TMEM178B: variants seen among roughly 807,000 people sequenced by gnomAD.
TMEM178B encodes the protein transmembrane protein 178B.
TMEM178B carries 5 observed loss-of-function variants against 31.0 expected under a neutral mutation model. The ratio of observed to expected loss-of-function variants is 0.16; its 90% CI spans 0.08 to 0.34. TMEM178B has a LOEUF of 0.34. Among genes scored for constraint, TMEM178B ranks in the 10% least tolerant of loss-of-function variants. TMEM178B has a pLI of 1.00. For missense variants in TMEM178B, 275 were observed against 400.3 expected (o/e 0.69, Z 2.67); for synonymous variants, 164 against 164.0 (o/e 1.00, Z 0.00).
chr7:141,160,151 A>G (rs1318467494), intron 1 of TMEM178B, among the ~76,000 whole-genome samples: 1 of 151,948 alleles, frequency 6.6e-6, no homozygotes, highest in Non-Finnish European at 1.5e-5. Context: ...TGCTGCACCC[A>G]TCACCCGAGC....
At chr7:141,377,768 T>G in intron 2 of TMEM178B, among the ~76,000 whole-genome samples, 1 of 152,338 alleles carries the variant, frequency 6.6e-6, no homozygotes, top group East Asian at 1.9e-4. Flanking sequence ...ATCTACTGGT[T>G]CTTTTGGAAG....
At chr7:141,419,153 A>AC (rs1801155197) in intron 2 of TMEM178B, among the ~76,000 whole-genome samples, 1 of 152,052 alleles carries the variant, frequency 6.6e-6, no homozygotes, top group African/African-American at 2.4e-5. Context: ...CAAGTGATCC[A>AC]CCCACCTTGG....
At chr7:141,485,492 C>G in the TMEM178B span, among the ~76,000 whole-genome samples, 1 of 152,186 alleles carries the variant, frequency 6.6e-6, no homozygotes, top group Non-Finnish European at 1.5e-5. Context: ...GAGTTAATCT[C>G]AGCCACATGC....
intron 1 of TMEM178B, among the ~76,000 whole-genome samples, chr7:141,098,521 C>T (rs1257510046): frequency 6.6e-6 from 1 of 152,218 alleles, no homozygotes; most frequent in Non-Finnish European, 1.5e-5. Flanking sequence ...TGAAGTTATA[C>T]TGCCTTCAGA....
intron 2 of TMEM178B, among the ~76,000 whole-genome samples, chr7:141,231,455 C>G (rs577489144): frequency 1.3e-5 from 2 of 152,008 alleles, no homozygotes; most frequent in African/African-American, 4.8e-5. Flanking sequence ...AGTATGTAAC[C>G]TGAAAAAAAA....
At chr7:141,396,465 T>C (rs942334049) in intron 2 of TMEM178B, among the ~76,000 whole-genome samples, 2 of 152,190 alleles carry the variant, frequency 1.3e-5, no homozygotes, top group African/African-American at 4.8e-5. Context: ...TTGAAGGTCT[T>C]TGAGAGCCAG....
chr7:141,137,522 G>T (rs183293267), intron 1 of TMEM178B, among the ~76,000 whole-genome samples: 1 of 152,282 alleles, frequency 6.6e-6, no homozygotes, highest in East Asian at 1.9e-4. Flanking sequence ...TCTGATGGAG[G>T]TTGAGAATAG....
chr7:141,340,492 G>A (rs1380848543), intron 2 of TMEM178B, among the ~76,000 whole-genome samples: 1 of 152,166 alleles, frequency 6.6e-6, no homozygotes, highest in Non-Finnish European at 1.5e-5. Flanking sequence ...ATTTAAAGAA[G>A]GTTTTATGTT....
intron 1 of TMEM178B, among the ~76,000 whole-genome samples, chr7:141,129,131 G>C (rs1229939067): frequency 6.6e-6 from 1 of 152,200 alleles, no homozygotes; most frequent in Non-Finnish European, 1.5e-5. Flanking sequence ...GGATGCCCTT[G>C]AGGGTACGGA....
At chr7:141,503,580 C>G in the TMEM178B span, among the ~76,000 whole-genome samples, 1 of 152,178 alleles carries the variant, frequency 6.6e-6, no homozygotes, top group Non-Finnish European at 1.5e-5. Flanking sequence ...TCCTGATGCC[C>G]CAACCCTCAA....
chr7:141,242,841 C>A (rs1373699539), intron 2 of TMEM178B, among the ~76,000 whole-genome samples: 1 of 152,128 alleles, frequency 6.6e-6, no homozygotes, highest in African/African-American at 2.4e-5. Flanking sequence ...CCGTGCCAGG[C>A]CCCGATTCTT....
intron 1 of TMEM178B, among the ~76,000 whole-genome samples, chr7:141,148,782 T>C (rs973869334): frequency 1.1e-4 from 17 of 152,152 alleles, no homozygotes; most frequent in Non-Finnish European, 2.9e-5. Context: ...CTAAGTGCCA[T>C]GTAAGGAATC....
chr7:141,436,644 G>A (rs546840915), intron 2 of TMEM178B, among the ~76,000 whole-genome samples: 1 of 151,968 alleles, frequency 6.6e-6, no homozygotes, highest in Non-Finnish European at 1.5e-5. Context: ...GGGGGCTGGG[G>A]TGCGGTGGGC....
At chr7:141,184,252 ATT>A (rs1563110643) in intron 1 of TMEM178B, among the ~76,000 whole-genome samples, 1 of 152,032 alleles carries the variant, frequency 6.6e-6, no homozygotes, top group African/African-American at 2.4e-5. Flanking sequence ...TGTTCACTGG[ATT>A]TTACCTGATT....
chr7:141,248,928 A>T (rs529205717), intron 2 of TMEM178B, among the ~76,000 whole-genome samples: 1 of 152,348 alleles, frequency 6.6e-6, no homozygotes, highest in East Asian at 1.9e-4. Flanking sequence ...TGATGGATAC[A>T]CTTTAGCCGG....
chr7:141,260,733 A>G (rs1479985914), intron 2 of TMEM178B, among the ~76,000 whole-genome samples: 1 of 152,262 alleles, frequency 6.6e-6, no homozygotes, highest in Admixed American at 6.5e-5. Context: ...ATTTAAAAAA[A>G]CATTATTTTC....
intron 2 of TMEM178B, among the ~76,000 whole-genome samples, chr7:141,246,679 G>A (rs1340753666): frequency 6.6e-6 from 1 of 152,154 alleles, no homozygotes; most frequent in Non-Finnish European, 1.5e-5. Context: ...GTGCAGGTAA[G>A]CAAAGGCGTA....
intron 2 of TMEM178B, 28 bp from the exon 3 acceptor site, chr7:141,437,580 T>C: frequency 6.5e-7 from 1 of 1,535,242 alleles, no homozygotes. Flanking sequence ...GCTCTGCTGC[T>C]GACTGTTGCT....
intron 1 of TMEM178B, among the ~76,000 whole-genome samples, chr7:141,075,356 G>A (rs1794585543): frequency 6.6e-6 from 1 of 151,914 alleles, no homozygotes; most frequent in African/African-American, 2.4e-5. Context: ...AAAAAAAATA[G>A]TTCTTTCAGT....
Sources: gnomAD v4.1 joint callset for allele counts (sites outside exome capture counted in the v4.1 genomes callset) on GRCh38, gnomAD v4.1.1 for gene constraint, MANE v1.5 for transcripts, NCBI Gene and HGNC (gene_info 2026-07-23, HGNC 2026-07-21) for gene names.